The following SNCAIP variants were observed in gnomAD, a reference collection of about 807,000 sequenced individuals.
SNCAIP encodes the protein synphilin-1.
Under a neutral mutation model 86.7 loss-of-function variants are expected in SNCAIP, and 43 were observed. That is an observed-to-expected ratio of 0.50 (90% CI 0.39 to 0.64). SNCAIP has a LOEUF of 0.64. SNCAIP is among the 30% of genes least tolerant of loss of function. The pLI is 0.00. For missense variants in SNCAIP, 981 were observed against 1,103.1 expected, an observed-to-expected ratio of 0.89 and a Z score of 1.57; for synonymous variants, 417 against 427.2, an observed-to-expected ratio of 0.98 and a Z score of 0.29.
chr5:122,316,088 G>C (rs548837031), intron 1 of SNCAIP, among the ~76,000 whole-genome samples: 1 of 152,176 alleles, frequency 6.6e-6, no homozygotes, highest in Non-Finnish European at 1.5e-5. Context: ...GAATGTCAAA[G>C]TACTTTATAA....
At chr5:122,444,145 C>T (rs1174586606) in intron 7 of SNCAIP, 1 of 458,856 alleles carries the variant, frequency 2.2e-6, no homozygotes, top group Admixed American at 2.3e-5. Context: ...ATTTCAAAAC[C>T]AATTACCAGA....
rs565440573 is a variant in SNCAIP at position 122,425,029 on chromosome 5, A to G, written c.1003-323A>G. Among the ~76,000 whole-genome samples the G allele has an allele frequency of 2.0e-5, 3 of 152,324 alleles. No homozygotes were observed. In the South Asian group the frequency reaches 6.2e-4, roughly 32 times the overall value. On this transcript the variant is annotated intron_variant, in intron 4 of 10. Transcript: ENST00000261368. ...AGCCCCAGCCCTCAAGGACTTCACA[A>G]TCAAGTAGGGGAGACAGACAGGGAA...
chr5:122,397,325 G>C (rs1348068957), intron 2 of SNCAIP, among the ~76,000 whole-genome samples: 2 of 152,060 alleles, frequency 1.3e-5, no homozygotes, highest in Non-Finnish European at 1.5e-5. Context: ...AATATAAGGA[G>C]ATCATTCAAT....
chr5:122,329,254 T>C (rs1204979647), intron 1 of SNCAIP, among the ~76,000 whole-genome samples: 4 of 139,972 alleles, frequency 2.9e-5, no homozygotes, highest in African/African-American at 1.1e-4. Flanking sequence ...TTTGGAAAGG[T>C]AATGTGGCAA....
chr5:122,428,020 G>A (rs1471850193), intron 5 of SNCAIP, among the ~76,000 whole-genome samples: 3 of 152,160 alleles, frequency 2.0e-5, no homozygotes, highest in Non-Finnish European at 2.9e-5. Context: ...CTTTAGAAAT[G>A]ATTAAGCAAA....
chr5:122,327,671 A>C (rs1177697986), intron 1 of SNCAIP, among the ~76,000 whole-genome samples: 1 of 152,188 alleles, frequency 6.6e-6, no homozygotes, highest in African/African-American at 2.4e-5. Context: ...AGGCCTTCCC[A>C]GTCATGTGGA....
chr5:122,321,352 G>A (rs1752891359), intron 1 of SNCAIP: 1 of 151,960 alleles, frequency 6.6e-6, no homozygotes, highest in African/African-American at 2.4e-5. Flanking sequence ...TTCCAATGTG[G>A]CCACAGGTGG....
chr5:122,382,492 C>T (rs1767063756), intron 1 of SNCAIP, among the ~76,000 whole-genome samples: 1 of 152,166 alleles, frequency 6.6e-6, no homozygotes, highest in Non-Finnish European at 1.5e-5. Flanking sequence ...GTTTGAATGT[C>T]CTCCCGTAGC....
chr5:122,373,382 G>T (rs535182079), intron 1 of SNCAIP, among the ~76,000 whole-genome samples: 30 of 152,180 alleles, frequency 2.0e-4, no homozygotes, highest in Middle Eastern at 3.4e-3. Flanking sequence ...ATCAGTTGAT[G>T]ATTTTATCAA....
At chr5:122,450,079 C>G (rs1203293260) in intron 9 of SNCAIP, 142 bp downstream of exon 9, 8 of 679,382 alleles carry the variant, frequency 1.2e-5, no homozygotes, top group Non-Finnish European at 1.8e-5. Flanking sequence ...TGAGAAATCA[C>G]AGTGAAAAAG....
intron 3 of SNCAIP, among the ~76,000 whole-genome samples, chr5:122,411,248 G>A (rs968702353): frequency 2.0e-5 from 3 of 152,148 alleles, no homozygotes; most frequent in African/African-American, 7.2e-5. Context: ...TAGGGACAAG[G>A]ACAAATGGAT....
intron 6 of SNCAIP, chr5:122,437,095 G>T (rs573428039): frequency 6.6e-6 from 1 of 152,250 alleles, no homozygotes; most frequent in Admixed American, 6.5e-5. Flanking sequence ...GGAAATGAAG[G>T]TCTGAAGTTA....
rs186454461 is a variant in SNCAIP at position 122,374,506 on chromosome 5, T to C, written c.-46-16583T>C. Among the ~76,000 whole-genome samples, 562 of 152,280 alleles carry C rather than the reference T, an allele frequency of 3.7e-3. 4 individuals are homozygous for C. Among genetic ancestry groups the C allele is most frequent in the African/African-American group, 0.013 (524 of 41,564 alleles). On this transcript the variant is annotated intron_variant, in intron 1 of 10. Coordinates refer to ENST00000261368, the MANE Select transcript of SNCAIP (RefSeq NM_005460.4). ...ATGGCAAAGAATTCAAGTTTAATTA[T>C]TGGAAAACAGACCCTGTCATTGGAG...
intron 1 of SNCAIP, among the ~76,000 whole-genome samples, chr5:122,351,536 C>CAGAAAAAAAAAAAAAAAA (rs1759795298): frequency 2.7e-5 from 1 of 36,492 alleles, no homozygotes; most frequent in Non-Finnish European, 5.3e-5. Context: ...GACTCTGTAT[C>CAGAAAAAAAAAAAAAAAA]AAAAAAAAAA....
chr5:122,375,270 T>A (rs1765061186), intron 1 of SNCAIP, among the ~76,000 whole-genome samples: 1 of 152,136 alleles, frequency 6.6e-6, no homozygotes. Flanking sequence ...ACCTTCATAA[T>A]AATTTGATCT....
At chr5:122,445,645 TACACACACACAC>T (rs55968414) in intron 8 of SNCAIP, among the ~76,000 whole-genome samples, 36 of 143,164 alleles carry the variant, frequency 2.5e-4, no homozygotes, top group Admixed American at 1.1e-3. Flanking sequence ...CTTTAAGTTT[TACACACACACAC>T]ACACACACAC....
intron 1 of SNCAIP, among the ~76,000 whole-genome samples, chr5:122,381,973 C>T (rs1484352880): frequency 6.6e-6 from 1 of 152,078 alleles, no homozygotes; most frequent in African/African-American, 2.4e-5. Context: ...CTGCCCTTAA[C>T]ATTTTTTCCT....
intron 5 of SNCAIP, among the ~76,000 whole-genome samples, chr5:122,425,837 C>T (rs1265460655): frequency 6.6e-6 from 1 of 152,186 alleles, no homozygotes; most frequent in Non-Finnish European, 1.5e-5. Context: ...CTATCAAAGA[C>T]TATCATTTCT....
chr5:122,391,500 G>C (rs1290603009), intron 2 of SNCAIP, among the ~76,000 whole-genome samples: 1 of 152,166 alleles, frequency 6.6e-6, no homozygotes, highest in Non-Finnish European at 1.5e-5. Flanking sequence ...CTTTCATAGA[G>C]TTAATTCCAA....
Sources: allele counts gnomAD v4.1 joint callset (sites outside exome capture counted in the v4.1 genomes callset), GRCh38; gene constraint gnomAD v4.1.1; transcripts MANE v1.5; gene names NCBI Gene and HGNC (gene_info 2026-07-23, HGNC 2026-07-21).